The following RHBDL3 variants were observed in gnomAD, a reference collection of about 807,000 sequenced individuals.
RHBDL3 encodes the protein rhomboid like 3, also known as rhomboid-related protein 3.
Under a neutral mutation model 48.2 loss-of-function variants are expected in RHBDL3, and 28 were observed. The ratio of observed to expected loss-of-function variants is 0.58; its 90% confidence interval spans 0.43 to 0.80. The LOEUF (loss-of-function observed/expected upper bound fraction) is 0.80. Among genes scored for constraint, RHBDL3 ranks in the 30% least tolerant of loss-of-function variants. The pLI is 0.00. For synonymous variants in RHBDL3, 208 were observed against 232.3 expected (o/e 0.90, Z 0.95); for missense variants, 464 against 542.7 (o/e 0.85, Z 1.44).
chr17:32,267,851 C>A (rs753636467), intron 1 of RHBDL3, 51 bp from the exon 2 acceptor site: 3 of 1,613,510 alleles, frequency 1.9e-6, no homozygotes, highest in Non-Finnish European at 1.7e-6. Flanking sequence ...ATAAGTGTGT[C>A]TTTCTTTCTC....
intron 6 of RHBDL3, 86 bp downstream of exon 6, chr17:32,298,290 TC>T: frequency 1.2e-6 from 1 of 808,592 alleles, no homozygotes. Flanking sequence ...GCCCCAGGTT[TC>T]CAGGACACAC....
intron 4 of RHBDL3, among the ~76,000 whole-genome samples, 172 bp downstream of exon 4, chr17:32,289,188 G>A (rs760232877): frequency 6.6e-6 from 1 of 152,118 alleles, no homozygotes; most frequent in Non-Finnish European, 1.5e-5. Flanking sequence ...ACTCTGTTGC[G>A]GTGCATACCA....
At chr17:32,306,322 G>A (rs947420487) in intron 7 of RHBDL3, among the ~76,000 whole-genome samples, 8 of 152,142 alleles carry the variant, frequency 5.3e-5, no homozygotes, top group Non-Finnish European at 1.0e-4. Flanking sequence ...TACTTGGGAG[G>A]CTGAGGCAAG....
At chr17:32,310,919 G>A in intron 7 of RHBDL3, among the ~76,000 whole-genome samples, 2 of 141,004 alleles carry the variant, frequency 1.4e-5, no homozygotes, top group Admixed American at 7.0e-5. Flanking sequence ...ACTTTATTAA[G>A]GAAAAATATT....
intron 2 of RHBDL3, among the ~76,000 whole-genome samples, chr17:32,279,917 G>A (rs1001648849): frequency 1.3e-5 from 2 of 152,198 alleles, no homozygotes; most frequent in African/African-American, 4.8e-5. Context: ...TGGTAGGTCA[G>A]TTCCCCTACC....
In RHBDL3 at chr17:32,294,141, A is replaced by C. The variant is rs549381356; in HGVS notation, c.520-153A>C. Among the ~76,000 whole-genome samples, 13 of 152,038 alleles carry C rather than the reference A, an allele frequency of 8.6e-5. No individual in the cohort carries two copies. In the East Asian group the frequency reaches 1.4e-3, roughly 16 times the overall value. ...GAAACTCCATCTCAAAAAAAAAAAAAAAAACTCAGTTGGGCCCTGGCTGTG... is the reference window on the plus strand; with the variant it reads ...GAAACTCCATCTCAAAAAAAAAAAACAAAACTCAGTTGGGCCCTGGCTGTG... On this transcript the variant is annotated intron_variant, in intron 4 of 8. Transcript: ENST00000269051.
Position 32,305,282 on chromosome 17 carries a change from C to A in RHBDL3, c.782-59C>A, listed in dbSNP as rs1676054638. The A allele has an allele frequency of 6.1e-6, 7 of 1,139,766 alleles. No individual in the cohort carries two copies. In the Admixed American group the frequency reaches 1.0e-4, roughly 16 times the overall value. 70.6% of individuals were successfully genotyped at this position (1,139,766 alleles called of 1,614,324 possible). On this transcript the variant is annotated intron_variant, in intron 6 of 8. Coordinates refer to ENST00000269051, the MANE Select transcript of RHBDL3 (RefSeq NM_138328.3). ...AGCCTGCAGAATCCAAGGCCTGGGG[C>A]TGGGTTGGGTGAGCCGAGTCCCGCA...
chr17:32,294,949 C>A (rs1225452708), intron 5 of RHBDL3, among the ~76,000 whole-genome samples: 1 of 152,218 alleles, frequency 6.6e-6, no homozygotes, highest in Non-Finnish European at 1.5e-5. Context: ...ACAATCGGTT[C>A]TCACTGGTGC....
At position 32,266,197 on chromosome 17, in the gene RHBDL3, AG is replaced by A; in HGVS notation, c.9del (p.Glu3AspfsTer96). On this transcript the variant is annotated frameshift_variant, in exon 1 of 9. Transcript: ENST00000269051. LOFTEE classifies it high-confidence loss of function. MG[E>X]HPSPGPAVAA... ...CCGGACCCCGTCTCGGCCATGGGCG[AG>A]CACCCCAGCCCGGGCCCCGCGGTGG... The A allele has an allele frequency of 7.7e-7, 1 of 1,291,592 alleles. No homozygotes were observed. Among genetic ancestry groups the A allele is most frequent in the Non-Finnish European group, 9.8e-7 (1 of 1,019,102 alleles). 80.0% of individuals were successfully genotyped at this position (1,291,592 alleles called of 1,614,324 possible).
chr17:32,321,294 T>A lies in RHBDL3; in HGVS notation c.*65T>A. 2 of 1,606,332 alleles carry A rather than the reference T, an allele frequency of 1.2e-6. No individual in the cohort carries two copies. The highest frequency in any genetic ancestry group is 1.3e-5 in the African/African-American group (1 of 74,880). The stretch of plus-strand genomic sequence containing the variant: ...GCACCCACAGGGAGCGCCTGCGAGG[T>A]TTCTTCTCATCACCAGCTCAGCTAG... On this transcript the variant is annotated 3_prime_UTR_variant, in exon 9 of 9. Coordinates refer to ENST00000269051, the MANE Select transcript of RHBDL3 (RefSeq NM_138328.3).
At chr17:32,312,358 C>G (rs1039973446) in intron 7 of RHBDL3, among the ~76,000 whole-genome samples, 1 of 152,052 alleles carries the variant, frequency 6.6e-6, no homozygotes, top group Non-Finnish European at 1.5e-5. Flanking sequence ...TCACTTGAGC[C>G]CAGAAGGTCA....
intron 2 of RHBDL3, among the ~76,000 whole-genome samples, chr17:32,270,108 C>T (rs1254157715): frequency 6.9e-6 from 1 of 144,010 alleles, no homozygotes; most frequent in African/African-American, 2.6e-5. Context: ...GGAGGATGGC[C>T]TCCCAAAAAG....
intron 2 of RHBDL3, among the ~76,000 whole-genome samples, chr17:32,269,472 C>T (rs61257894): frequency 1.4e-3 from 214 of 152,360 alleles, no homozygotes; most frequent in African/African-American, 5.0e-3. Flanking sequence ...CGTGATGACA[C>T]GGAATTGCAG....
At chr17:32,301,641 T>A (rs1463947865) in intron 6 of RHBDL3, among the ~76,000 whole-genome samples, 2 of 152,022 alleles carry the variant, frequency 1.3e-5, no homozygotes, top group Non-Finnish European at 2.9e-5. Flanking sequence ...GCCAACATGG[T>A]GAAACCCTGT....
chr17:32,273,448 G>A (rs770188091), intron 2 of RHBDL3, among the ~76,000 whole-genome samples: 3 of 152,226 alleles, frequency 2.0e-5, no homozygotes, highest in Non-Finnish European at 2.9e-5. Context: ...CTTAGTTGGT[G>A]CCTTGAGTAA....
Position 32,305,399 on chromosome 17 carries a change from G to C in RHBDL3, c.840G>C (p.Gly280=), listed in dbSNP as rs1289574347. 1.2e-6 allele frequency: 2 copies of C among 1,613,824 alleles called. No homozygotes were observed. Among genetic ancestry groups the C allele is most frequent in the Non-Finnish European group, 1.7e-6 (2 of 1,179,788 alleles). Reference sequence around the variant, plus strand: ...CTCCAGTCGTGGGCTCTTCTGGAGGGGTGTATGCTCTCGTCTCTGCCCATC... The same window carrying C: ...CTCCAGTCGTGGGCTCTTCTGGAGGCGTGTATGCTCTCGTCTCTGCCCATC... ...MTAPVVGSSG[G]VYALVSAHLA... is the part of the protein sequence containing the mutation. The change falls in exon 7 of 9, where the codon GGG becomes GGC. Residue 280 remains glycine, a synonymous_variant. Coordinates refer to ENST00000269051, the MANE Select transcript of RHBDL3 (RefSeq NM_138328.3).
intron 7 of RHBDL3, among the ~76,000 whole-genome samples, chr17:32,308,260 G>A (rs894138052): frequency 1.3e-5 from 2 of 152,134 alleles, no homozygotes; most frequent in Non-Finnish European, 2.9e-5. Context: ...GCAGTCCCCA[G>A]AGCATGACAC....
chr17:32,314,092 G>A (rs960299913), intron 7 of RHBDL3, among the ~76,000 whole-genome samples: 1 of 151,982 alleles, frequency 6.6e-6, no homozygotes, highest in African/African-American at 2.4e-5. Flanking sequence ...GTATATATCA[G>A]CAGGTGACAA....
rs1019989814 is a variant in RHBDL3 at position 32,267,712 on chromosome 17, G to T, written c.112-190G>T. The T allele has an allele frequency of 1.5e-5, 21 of 1,421,160 alleles. No individual in the cohort carries two copies. In the African/African-American group the frequency reaches 2.6e-4, roughly 18 times the overall value. 88.0% of individuals were successfully genotyped at this position (1,421,160 alleles called of 1,614,324 possible). ...GAGTTTCCTCCCTCTGCTCAGTGTG[G>T]ACTCATTGGGGAGCTCCTCCCAGAC... On this transcript the variant is annotated intron_variant, in intron 1 of 8. Coordinates refer to ENST00000269051, the MANE Select transcript of RHBDL3 (RefSeq NM_138328.3).
Sources: gnomAD v4.1 joint callset for allele counts (sites outside exome capture counted in the v4.1 genomes callset) on GRCh38, gnomAD v4.1.1 for gene constraint, MANE v1.5 for transcripts, NCBI Gene and HGNC (gene_info 2026-07-23, HGNC 2026-07-21) for gene names.